Variants in PKNOX2 observed in about 807,000 individuals in gnomAD.
PKNOX2 encodes homeobox protein PKNOX2.
In PKNOX2, 14 loss-of-function variants were observed where a neutral mutation model predicts 53.1. The observed-to-expected ratio is 0.26, with a 90% CI of 0.17 to 0.41. The LOEUF (loss-of-function observed/expected upper bound fraction) is 0.41, where lower values mean the gene tolerates loss of function less well. PKNOX2 is among the 10% of genes least tolerant of loss of function. PKNOX2 has a pLI of 1.00. For missense variants in PKNOX2, 496 were observed against 602.8 expected (o/e 0.82, Z 1.85); for synonymous variants, 257 against 242.8 (o/e 1.06, Z -0.54).
At chr11:125,403,636 TC>T in intron 7 of PKNOX2, among the ~76,000 whole-genome samples, 1 of 152,308 alleles carries the variant, frequency 6.6e-6, no homozygotes, top group Non-Finnish European at 1.5e-5. Context: ...GATGGGCTAC[TC>T]CAGAGCCCAT....
intron 1 of PKNOX2, among the ~76,000 whole-genome samples, chr11:125,172,123 C>T (rs926384040): frequency 2.0e-5 from 3 of 152,144 alleles, no homozygotes; most frequent in African/African-American, 2.4e-5. Context: ...TGGTGCTCTG[C>T]GCTGTCCTGG....
intron 2 of PKNOX2, among the ~76,000 whole-genome samples, chr11:125,280,669 G>A (rs1170973297): frequency 6.6e-6 from 1 of 152,174 alleles, no homozygotes; most frequent in Non-Finnish European, 1.5e-5. Context: ...CACAAGCAGG[G>A]TGAGGGGCAA....
intron 1 of PKNOX2, among the ~76,000 whole-genome samples, chr11:125,193,119 G>A (rs1956977884): frequency 6.6e-6 from 1 of 152,182 alleles, no homozygotes; most frequent in Admixed American, 6.5e-5. Context: ...TGCTCAGAAG[G>A]CATTTATAGC....
intron 4 of PKNOX2, among the ~76,000 whole-genome samples, chr11:125,361,389 G>A (rs1012777321): frequency 2.6e-5 from 4 of 152,120 alleles, no homozygotes; most frequent in Non-Finnish European, 5.9e-5. Flanking sequence ...TGGGAGGTAG[G>A]AAGCACCTCG....
At chr11:125,358,906 G>A (rs1048413093) in intron 4 of PKNOX2, among the ~76,000 whole-genome samples, 2 of 152,218 alleles carry the variant, frequency 1.3e-5, no homozygotes, top group Non-Finnish European at 2.9e-5. Flanking sequence ...ACAGGCAAAG[G>A]GCCTGGTGTT....
chr11:125,240,749 G>A lies in PKNOX2; in HGVS notation c.-130+5634G>A, dbSNP rs1371575688. ...GAGGCTTATAAGAAGGTTCTGAAGG[G>A]TTTCCAAGTGCTGCTCCCAGTATCC... is the stretch of plus-strand genomic sequence containing the variant. On this transcript the variant is annotated intron_variant, in intron 2 of 12. Transcript: ENST00000298282. The surrounding 1 kb of genome is among the most constrained non-coding windows in gnomAD (Gnocchi z 4.3). Among the ~76,000 whole-genome samples the A allele has an allele frequency of 6.6e-6, 1 of 152,154 alleles. No individual in the cohort carries two copies. The highest frequency in any genetic ancestry group is 1.5e-5 in the Non-Finnish European group (1 of 68,022).
At chr11:125,239,845 T>G (rs1943011080) in intron 2 of PKNOX2, 1 of 152,262 alleles carries the variant, frequency 6.6e-6, no homozygotes, top group South Asian at 2.1e-4. Flanking sequence ...TCCTTGAGTG[T>G]GCAGAGAGCA....
chr11:125,418,983 A>C (rs1956030767), intron 10 of PKNOX2, among the ~76,000 whole-genome samples: 1 of 151,982 alleles, frequency 6.6e-6, no homozygotes, highest in Non-Finnish European at 1.5e-5. Flanking sequence ...TTGAGCATCC[A>C]TGAATTTTGG....
Position 125,165,771 on chromosome 11 carries a change from C to G in PKNOX2, c.-201+995C>G, listed in dbSNP as rs893507722. On this transcript the variant is annotated intron_variant, in intron 1 of 12. Coordinates refer to ENST00000298282, the MANE Select transcript of PKNOX2 (RefSeq NM_001382323.2). This position sits in a 1 kb window ranked among gnomAD's most constrained non-coding sequence, Gnocchi z 4.5. Reference sequence around the variant, plus strand: ...TTGGGAATCGGGAGCCCTTCTGGCTCGAGAACTAGGGGATGAGTTCGTAAA... The same window carrying G: ...TTGGGAATCGGGAGCCCTTCTGGCTGGAGAACTAGGGGATGAGTTCGTAAA... Among the ~76,000 whole-genome samples, 4 of 152,150 alleles carry G rather than the reference C, an allele frequency of 2.6e-5. No individual in the cohort carries two copies. Among genetic ancestry groups the G allele is most frequent in the Non-Finnish European group, 4.4e-5 (3 of 68,036 alleles).
intron 1 of PKNOX2, among the ~76,000 whole-genome samples, chr11:125,215,060 A>G (rs1403148841): frequency 6.6e-6 from 1 of 151,862 alleles, no homozygotes; most frequent in African/African-American, 2.4e-5. Context: ...CATGAAAACA[A>G]ACTTTTGTTG....
At chr11:125,234,158 A>G (rs1591490012) in intron 1 of PKNOX2, among the ~76,000 whole-genome samples, 4 of 152,122 alleles carry the variant, frequency 2.6e-5, no homozygotes, top group Non-Finnish European at 2.9e-5. Context: ...CCACCTCCTC[A>G]TGAAAACTCC....
At chr11:125,295,397 C>T (rs1021600270) in intron 2 of PKNOX2, among the ~76,000 whole-genome samples, 1 of 152,200 alleles carries the variant, frequency 6.6e-6, no homozygotes, top group African/African-American at 2.4e-5. Flanking sequence ...TCATGTGGAT[C>T]AAATCCATGT....
chr11:125,324,852 C>T (rs1022516315), intron 2 of PKNOX2, among the ~76,000 whole-genome samples: 1 of 152,074 alleles, frequency 6.6e-6, no homozygotes, highest in Admixed American at 6.6e-5. Context: ...ATCAAGCAGG[C>T]TGGCTTGGGG....
chr11:125,218,293 G>T (rs527657703), intron 1 of PKNOX2, among the ~76,000 whole-genome samples: 1 of 152,056 alleles, frequency 6.6e-6, no homozygotes, highest in East Asian at 1.9e-4. Flanking sequence ...TGTCCCTGCC[G>T]TCAAGGAACT....
At chr11:125,167,114 C>CTGTGGGG (rs960888071) in intron 1 of PKNOX2, among the ~76,000 whole-genome samples, 1 of 139,484 alleles carries the variant, frequency 7.2e-6, no homozygotes, top group South Asian at 2.4e-4. Flanking sequence ...TTGGGCCTAG[C>CTGTGGGG]TGTGGGGTGT....
At chr11:125,346,196 G>A (rs1027867899) in intron 3 of PKNOX2, among the ~76,000 whole-genome samples, 3 of 147,792 alleles carry the variant, frequency 2.0e-5, no homozygotes, top group Non-Finnish European at 4.5e-5. Context: ...GGTGGGGGTG[G>A]AGGGGTAACC....
At chr11:125,341,429 T>C (rs1591534499) in intron 3 of PKNOX2, among the ~76,000 whole-genome samples, 1 of 152,098 alleles carries the variant, frequency 6.6e-6, no homozygotes, top group African/African-American at 2.4e-5. Context: ...GTATATATAT[T>C]GAGGCTCCAT....
chr11:125,420,623 G>A (rs1956123922), intron 10 of PKNOX2, among the ~76,000 whole-genome samples: 1 of 152,190 alleles, frequency 6.6e-6, no homozygotes, highest in Non-Finnish European at 1.5e-5. Context: ...AGAATGGGGT[G>A]CAGAGAAGTT....
intron 10 of PKNOX2, among the ~76,000 whole-genome samples, chr11:125,428,629 G>A (rs967131081): frequency 2.6e-5 from 4 of 152,132 alleles, no homozygotes; most frequent in African/African-American, 7.2e-5. Flanking sequence ...TTCTATGGGC[G>A]TTTGAGGCCA....
Sources: gnomAD v4.1 joint callset for allele counts (sites outside exome capture counted in the v4.1 genomes callset) on GRCh38, gnomAD v4.1.1 for gene constraint, Gnocchi (gnomAD v3.1) non-coding constraint, MANE v1.5 for transcripts, NCBI Gene and HGNC (gene_info 2026-07-23, HGNC 2026-07-21) for gene names.